LNPEP: variants seen among roughly 807,000 people sequenced by gnomAD.
LNPEP encodes leucyl-cystinyl aminopeptidase.
In LNPEP, 64 loss-of-function variants were observed where a neutral mutation model predicts 120.6. That is an observed-to-expected ratio of 0.53 (90% CI 0.43 to 0.65). The LOEUF is 0.65. LNPEP is among the 30% of genes least tolerant of loss of function. The probability of loss-of-function intolerance (pLI) is 0.00; values close to 1 mark genes in which losing one functional copy is unlikely to be tolerated. For synonymous variants in LNPEP, 435 were observed against 425.4 expected (o/e 1.02, Z -0.28); for missense variants, 1,057 against 1,200.0 (o/e 0.88, Z 1.76).
At chr5:97,010,408 G>C (rs1338580131) in intron 11 of LNPEP, 1 of 984,250 alleles carries the variant, frequency 1.0e-6, no homozygotes, top group East Asian at 1.1e-4. Flanking sequence ...TATTTATCAT[G>C]TGCCATTCTC....
chr5:96,976,186 C>T (rs529204855), intron 1 of LNPEP, among the ~76,000 whole-genome samples: 1 of 152,026 alleles, frequency 6.6e-6, no homozygotes, highest in East Asian at 1.9e-4. Context: ...TCATGGGATA[C>T]CTGTAATAAA....
rs1791524101 is a variant in LNPEP at position 97,034,068 on chromosome 5, A to G, written c.*5535A>G. On this transcript the variant is annotated 3_prime_UTR_variant, in exon 18 of 18. Transcript: ENST00000231368. The stretch of plus-strand genomic sequence containing the variant: ...CCATTGCTTGGACTTACGGGTACCT[A>G]ATGAAACGTGGAGGTCCGGATGTAT... 1.3e-5 allele frequency: 2 copies of G among 152,110 alleles called. No individual in the cohort carries two copies. Among genetic ancestry groups the G allele is most frequent in the Admixed American group, 6.6e-5 (1 of 15,252 alleles). The allele number at this position is 152,110 out of a possible 1,614,324, so 9.4% of individuals were successfully genotyped here. A position where few individuals can be genotyped will look rare whatever the true frequency, so the allele number is the denominator to read the frequency against.
chr5:96,965,206 C>T (rs1216347048), intron 1 of LNPEP, among the ~76,000 whole-genome samples: 3 of 152,028 alleles, frequency 2.0e-5, no homozygotes, highest in Non-Finnish European at 4.4e-5. Context: ...CTGTAGCTAA[C>T]ATTGTCTTAG....
chr5:97,007,553 A>G (rs1256178849), intron 11 of LNPEP, among the ~76,000 whole-genome samples: 2 of 152,210 alleles, frequency 1.3e-5, no homozygotes, highest in African/African-American at 2.4e-5. Flanking sequence ...TAATATATCT[A>G]TATTACATAA....
chr5:97,014,331 T>G (rs1791011280), intron 12 of LNPEP, among the ~76,000 whole-genome samples: 1 of 152,156 alleles, frequency 6.6e-6, no homozygotes, highest in Admixed American at 6.5e-5. Context: ...TATTACCAAT[T>G]TAGATTGATG....
intron 1 of LNPEP, 110 bp downstream of exon 1, chr5:96,936,284 C>A: frequency 1.1e-6 from 1 of 895,270 alleles, no homozygotes; most frequent in Non-Finnish European, 1.5e-6. Flanking sequence ...ACACCGCGGG[C>A]TTCCCACGAG....
intron 4 of LNPEP, among the ~76,000 whole-genome samples, chr5:96,988,334 C>A (rs914665968): frequency 8.7e-6 from 1 of 115,478 alleles, no homozygotes; most frequent in African/African-American, 3.4e-5. Context: ...TTTTCTTTTT[C>A]TTTTCTTTTT....
At chr5:96,939,316 T>C (rs902295445) in intron 1 of LNPEP, among the ~76,000 whole-genome samples, 10 of 151,366 alleles carry the variant, frequency 6.6e-5, no homozygotes, top group African/African-American at 2.4e-4. Context: ...CGGGTTCAAG[T>C]GATCCTCCTG....
intron 4 of LNPEP, among the ~76,000 whole-genome samples, chr5:96,987,039 T>C (rs139611089): frequency 3.9e-5 from 6 of 152,308 alleles, no homozygotes; most frequent in African/African-American, 1.4e-4. Flanking sequence ...ACTAACCATA[T>C]TTCAAGTGTT....
In LNPEP at chr5:97,030,293, T is replaced by C. The variant is rs1291876628; in HGVS notation, c.*1760T>C. ...ATCATCTAAATATGTCTTATTCAAC[T>C]GAAGTGATTGTAAGTCTTTATTCTT... On this transcript the variant is annotated 3_prime_UTR_variant, in exon 18 of 18. Coordinates refer to ENST00000231368, the MANE Select transcript of LNPEP (RefSeq NM_005575.3). The C allele has an allele frequency of 6.6e-6, 1 of 152,184 alleles. No individual in the cohort carries two copies. Among genetic ancestry groups the C allele is most frequent in the African/African-American group, 2.4e-5 (1 of 41,456 alleles). 9.4% of individuals were successfully genotyped at this position (152,184 alleles called of 1,614,324 possible).
At chr5:97,006,401 A>G (rs1790784596) in intron 10 of LNPEP, 26 bp from the exon 11 acceptor site, 3 of 1,424,764 alleles carry the variant, frequency 2.1e-6, no homozygotes, top group African/African-American at 1.4e-5. Flanking sequence ...ATATGTAACT[A>G]ATTTTCCAAT....
intron 3 of LNPEP, 131 bp from the exon 4 acceptor site, chr5:96,986,408 C>T: frequency 1.2e-6 from 1 of 849,952 alleles, no homozygotes; most frequent in African/African-American, 1.7e-5. Flanking sequence ...TGCAGAAATT[C>T]ATACTGAGAG....
At chr5:97,021,044 G>A (rs775908709) in intron 13 of LNPEP, among the ~76,000 whole-genome samples, 8 of 152,116 alleles carry the variant, frequency 5.3e-5, no homozygotes, top group East Asian at 3.8e-4. Context: ...GCAAGTATAC[G>A]TTTAGCAATG....
intron 1 of LNPEP, among the ~76,000 whole-genome samples, chr5:96,963,073 G>A (rs761892612): frequency 5.3e-5 from 8 of 152,110 alleles, no homozygotes; most frequent in Non-Finnish European, 1.0e-4. Flanking sequence ...CTCTCCTTAT[G>A]TTTCTGAGTT....
At chr5:97,009,368 C>CT (rs1193289681) in intron 11 of LNPEP, among the ~76,000 whole-genome samples, 1 of 151,738 alleles carries the variant, frequency 6.6e-6, no homozygotes, top group Non-Finnish European at 1.5e-5. Context: ...AGGTATTTCC[C>CT]CCATTGACGG....
intron 1 of LNPEP, among the ~76,000 whole-genome samples, chr5:96,967,309 ATTAT>A (rs1401140888): frequency 2.0e-5 from 3 of 150,842 alleles, no homozygotes; most frequent in Non-Finnish European, 4.4e-5. Context: ...GGCTATTATT[ATTAT>A]TTTTTTTTTT....
chr5:96,936,332 A>T, intron 1 of LNPEP, 158 bp downstream of exon 1: 159 of 117,768 alleles, frequency 1.4e-3, no homozygotes, highest in East Asian at 3.3e-3. Flanking sequence ...TGGGGGAGGC[A>T]GGGAGGTTCG....
intron 1 of LNPEP, among the ~76,000 whole-genome samples, chr5:96,971,392 T>G (rs1356629052): frequency 1.3e-5 from 2 of 151,442 alleles, no homozygotes; most frequent in African/African-American, 4.8e-5. Context: ...TGTATTTATC[T>G]TTTTGGGGGT....
chr5:97,026,801 G>A (rs1791351147), intron 16 of LNPEP, 44 bp downstream of exon 16: 2 of 1,548,570 alleles, frequency 1.3e-6, no homozygotes, highest in Non-Finnish European at 1.8e-6. Context: ...TTCTCAAGTT[G>A]TGCATTTGAA....
Sources: allele counts gnomAD v4.1 joint callset (sites outside exome capture counted in the v4.1 genomes callset), GRCh38; gene constraint gnomAD v4.1.1; transcripts MANE v1.5; gene names NCBI Gene and HGNC (gene_info 2026-07-23, HGNC 2026-07-21).